Variants in TTC28 observed in about 807,000 individuals in gnomAD.
The protein encoded by TTC28 is tetratricopeptide repeat domain 28.
Under a neutral mutation model 198.0 loss-of-function variants are expected in TTC28, and 61 were observed. That is an observed-to-expected ratio of 0.31 (90% CI 0.25 to 0.38). The LOEUF (loss-of-function observed/expected upper bound fraction) is 0.38. Ranked by LOEUF, TTC28 falls within the 10% of genes least tolerant of loss-of-function variation. The pLI, the probability that TTC28 is intolerant of heterozygous loss-of-function variation, is 1.00. For synonymous variants in TTC28, 1,171 were observed against 1,297.8 expected, an observed-to-expected ratio of 0.90 and a Z score of 2.10; for missense variants, 2,678 against 3,164.0, an observed-to-expected ratio of 0.85 and a Z score of 3.69.
At chr22:28,598,735 T>C (rs987894074) in intron 2 of TTC28, among the ~76,000 whole-genome samples, 5 of 152,134 alleles carry the variant, frequency 3.3e-5, no homozygotes, top group African/African-American at 1.2e-4. Context: ...ATTTGGGGTA[T>C]AGGAAACAAA....
chr22:28,167,799 C>T (rs135660), intron 5 of TTC28, among the ~76,000 whole-genome samples: 22,489 of 151,990 alleles, frequency 0.15, 1,761 homozygotes, highest in Non-Finnish European at 0.16. Flanking sequence ...CTATTCAACA[C>T]AGTGTTGGAA....
At chr22:28,640,315 G>GT (rs1390264401) in intron 1 of TTC28, among the ~76,000 whole-genome samples, 1 of 111,180 alleles carries the variant, frequency 9.0e-6, no homozygotes, top group East Asian at 2.3e-4. Context: ...AAAGTAAAGG[G>GT]GGGGGGGGGA....
intron 2 of TTC28, among the ~76,000 whole-genome samples, chr22:28,525,741 C>T (rs568894059): frequency 6.6e-6 from 1 of 152,176 alleles, no homozygotes; most frequent in South Asian, 2.1e-4. Flanking sequence ...GAAAATTAAA[C>T]CCTATGGGAA....
intron 11 of TTC28, among the ~76,000 whole-genome samples, chr22:28,094,473 G>A (rs569754929): frequency 4.1e-4 from 63 of 152,184 alleles, no homozygotes; most frequent in African/African-American, 1.4e-3. Context: ...TTGAAACCAG[G>A]GAATTCAAGA....
rs1282503417 is a variant in TTC28 at position 28,297,509 on chromosome 22, T to A, written c.802+71A>T. ...GCGATCACTTTTCATTGCATATTAT[T>A]CTCATTCATGTCATGTTACTCAGCT... On this transcript the variant is annotated intron_variant, in intron 4 of 22. Transcript: ENST00000397906. 6.7e-6 allele frequency: 10 copies of A among 1,484,572 alleles called. No homozygotes were observed. In the African/African-American group the frequency reaches 1.4e-4, roughly 21 times the overall value. 92.0% of individuals were successfully genotyped at this position (1,484,572 alleles called of 1,614,324 possible).
At position 28,546,181 on chromosome 22, in the gene TTC28, T is replaced by C. The variant is rs2049536915; in HGVS notation, c.381+83371A>G. Among the ~76,000 whole-genome samples the C allele has an allele frequency of 2.0e-5, 3 of 152,144 alleles. No homozygotes were observed. The South Asian group carries it at 6.2e-4, about 31-fold the overall frequency. On this transcript the variant is annotated intron_variant, in intron 2 of 22. Coordinates refer to ENST00000397906, the MANE Select transcript of TTC28 (RefSeq NM_001145418.2). ...AGAAAATCCAGAAATAGGCCTCAAA[T>C]ATATGGTCAACTGATTTTTGACAAA...
chr22:28,315,581 GTTCA>G lies in TTC28; in HGVS notation c.382-8942_382-8939del, dbSNP rs1250831871. On this transcript the variant is annotated intron_variant, in intron 2 of 22. Transcript: ENST00000397906. ...TATAAGGTGCAAAACAGTGTTTTAG[GTTCA>G]TTTTTATTTATATGAATGTCCAATT... 2.0e-5 allele frequency among the ~76,000 whole-genome samples: 3 copies of G among 152,222 alleles called. No homozygotes were observed. The East Asian group carries it at 5.8e-4, about 29-fold the overall frequency.
chr22:28,008,897 C>T (rs1385493804), intron 14 of TTC28, among the ~76,000 whole-genome samples: 1 of 152,170 alleles, frequency 6.6e-6, no homozygotes, highest in Non-Finnish European at 1.5e-5. Flanking sequence ...ACAGGACTGG[C>T]CCAGATCAGT....
At chr22:28,370,009 T>C (rs2046306760) in intron 2 of TTC28, among the ~76,000 whole-genome samples, 1 of 152,180 alleles carries the variant, frequency 6.6e-6, no homozygotes, top group Non-Finnish European at 1.5e-5. Context: ...CCTCCCTCTG[T>C]ATACCAGGAA....
chr22:27,984,043 C>A (rs181934933), intron 22 of TTC28, among the ~76,000 whole-genome samples, 192 bp from the exon 23 acceptor site: 20 of 152,252 alleles, frequency 1.3e-4, no homozygotes, highest in Admixed American at 1.2e-3. Flanking sequence ...GGGACAAAAT[C>A]ATTCTAGGAG....
rs553591008 is a variant in TTC28 at position 28,570,948 on chromosome 22, G to A, written c.381+58604C>T. On this transcript the variant is annotated intron_variant, in intron 2 of 22. Coordinates refer to ENST00000397906, the MANE Select transcript of TTC28 (RefSeq NM_001145418.2). ...GTATTTGCTTAACTTTGATAAAAATGAAAAGTAAATTTAAGAAACAAATAA... is the reference window on the plus strand; with the variant it reads ...GTATTTGCTTAACTTTGATAAAAATAAAAAGTAAATTTAAGAAACAAATAA... 2.0e-4 allele frequency among the ~76,000 whole-genome samples: 31 copies of A among 152,202 alleles called. No homozygotes were observed. The South Asian group carries it at 6.4e-3, about 32-fold the overall frequency.
At chr22:28,052,685 T>C (rs1940133451) in intron 12 of TTC28, among the ~76,000 whole-genome samples, 1 of 152,252 alleles carries the variant, frequency 6.6e-6, no homozygotes, top group African/African-American at 2.4e-5. Flanking sequence ...ATGGGGCTTC[T>C]GAAATAATGT....
chr22:28,250,255 T>C (rs1930423228), intron 5 of TTC28, among the ~76,000 whole-genome samples: 1 of 152,236 alleles, frequency 6.6e-6, no homozygotes, highest in Admixed American at 6.5e-5. Context: ...TTTTTCTTTT[T>C]AATGTCCTGG....
At chr22:28,275,702 A>T (rs1406568242) in intron 5 of TTC28, among the ~76,000 whole-genome samples, 1 of 151,670 alleles carries the variant, frequency 6.6e-6, no homozygotes, top group Non-Finnish European at 1.5e-5. Flanking sequence ...ATTTTTTTTT[A>T]AACTCACAGT....
At chr22:28,419,106 C>T (rs2047210154) in intron 2 of TTC28, among the ~76,000 whole-genome samples, 1 of 152,132 alleles carries the variant, frequency 6.6e-6, no homozygotes, top group South Asian at 2.1e-4. Context: ...TCTACTGTCA[C>T]TCTGAAGAAC....
At chr22:28,583,281 T>G (rs1191470163) in intron 2 of TTC28, among the ~76,000 whole-genome samples, 2 of 152,190 alleles carry the variant, frequency 1.3e-5, no homozygotes, top group Admixed American at 1.3e-4. Flanking sequence ...ATAAGCAGGA[T>G]AAATAGAAAC....
intron 2 of TTC28, among the ~76,000 whole-genome samples, chr22:28,329,405 A>G (rs1356291671): frequency 5.3e-5 from 8 of 152,194 alleles, no homozygotes. Context: ...ACACATGTTC[A>G]GTAATTACAT....
chr22:28,580,688 T>C (rs1569038425), intron 2 of TTC28, among the ~76,000 whole-genome samples: 1 of 152,236 alleles, frequency 6.6e-6, no homozygotes, highest in African/African-American at 2.4e-5. Flanking sequence ...CTACTGAATG[T>C]AGAATTATAA....
At chr22:28,636,360 C>T (rs1404138211) in intron 1 of TTC28, among the ~76,000 whole-genome samples, 3 of 151,944 alleles carry the variant, frequency 2.0e-5, no homozygotes, top group African/African-American at 7.3e-5. Flanking sequence ...CTCCTGACCT[C>T]AGGTGATCCG....
Sources: gnomAD v4.1 joint callset for allele counts (sites outside exome capture counted in the v4.1 genomes callset) on GRCh38, gnomAD v4.1.1 for gene constraint, MANE v1.5 for transcripts, NCBI Gene and HGNC (gene_info 2026-07-23, HGNC 2026-07-21) for gene names.